TENM2: variants seen among roughly 807,000 people sequenced by gnomAD.
TENM2 encodes the protein teneurin-2.
TENM2 carries 52 observed loss-of-function variants against 245.2 expected under a neutral mutation model. That is an observed-to-expected ratio of 0.21 (90% CI 0.17 to 0.27). The LOEUF (loss-of-function observed/expected upper bound fraction) is 0.27, where lower values mean the gene tolerates loss of function less well. Ranked by LOEUF, TENM2 falls within the 10% of genes least tolerant of loss-of-function variation. The pLI is 1.00. For missense variants in TENM2, 3,046 were observed against 3,666.8 expected (o/e 0.83, Z 4.37); for synonymous variants, 1,363 against 1,438.9 (o/e 0.95, Z 1.19).
the TENM2 span, among the ~76,000 whole-genome samples, chr5:167,097,246 A>C: frequency 6.6e-6 from 1 of 152,240 alleles, no homozygotes; most frequent in South Asian, 2.1e-4. Context: ...GTGCGGGTTG[A>C]TGTGTTAAAA....
At chr5:167,624,697 G>T (rs1170019328) in intron 2 of TENM2, among the ~76,000 whole-genome samples, 1 of 152,182 alleles carries the variant, frequency 6.6e-6, no homozygotes, top group East Asian at 1.9e-4. Context: ...TAAAAGCTGT[G>T]TTCTGAGCTC....
At chr5:167,454,521 G>A (rs1765793139) in intron 2 of TENM2, among the ~76,000 whole-genome samples, 2 of 151,628 alleles carry the variant, frequency 1.3e-5, no homozygotes, top group African/African-American at 4.9e-5. Flanking sequence ...ATCTCTGTGT[G>A]TGTGCATGCA....
chr5:167,282,000 CAAAAA>C (rs150534598), upstream of TENM2, among the ~76,000 whole-genome samples: 145 of 107,404 alleles, frequency 1.4e-3, 2 homozygotes, highest in African/African-American at 4.8e-3. Flanking sequence ...AACTCCATCT[CAAAAA>C]AAAAAAAAAA....
At chr5:167,815,434 C>G (rs1766970190) in intron 2 of TENM2, among the ~76,000 whole-genome samples, 1 of 152,130 alleles carries the variant, frequency 6.6e-6, no homozygotes, top group Non-Finnish European at 1.5e-5. Context: ...CCATTATTCT[C>G]ATCATTGTAT....
the TENM2 span, among the ~76,000 whole-genome samples, chr5:167,017,592 T>C: frequency 6.6e-6 from 1 of 152,200 alleles, no homozygotes; most frequent in Non-Finnish European, 1.5e-5. Flanking sequence ...ATAACTACAC[T>C]TCTGAGTTTA....
At chr5:167,995,054 CG>C (rs1316790062) in intron 5 of TENM2, among the ~76,000 whole-genome samples, 1 of 151,978 alleles carries the variant, frequency 6.6e-6, no homozygotes, top group Non-Finnish European at 1.5e-5. Flanking sequence ...TAATGTTCTG[CG>C]GGGCCAGTGA....
At chr5:167,016,203 G>A in the TENM2 span, among the ~76,000 whole-genome samples, 3 of 148,724 alleles carry the variant, frequency 2.0e-5, no homozygotes, top group East Asian at 4.0e-4. Flanking sequence ...GCAGTGAGCC[G>A]AGATGGGGCC....
At chr5:167,900,119 A>AAAAAAAAAAAAAAAAAG (rs1775570535) in intron 3 of TENM2, among the ~76,000 whole-genome samples, 1 of 122,596 alleles carries the variant, frequency 8.2e-6, no homozygotes, top group African/African-American at 3.4e-5. Flanking sequence ...ACTAAAAAAA[A>AAAAAAAAAAAAAAAAAG]AAAAAAAAAA....
At chr5:166,996,364 A>C in the TENM2 span, among the ~76,000 whole-genome samples, 3 of 152,300 alleles carry the variant, frequency 2.0e-5, no homozygotes, top group South Asian at 2.1e-4. Context: ...AAAACCAAAC[A>C]AAACAACAAA....
In TENM2 at chr5:168,218,090, G is replaced by A. The variant is rs1763358338; in HGVS notation, c.4234-35G>A. The A allele has an allele frequency of 6.3e-7, 1 of 1,593,160 alleles. No individual in the cohort carries two copies. Among genetic ancestry groups the A allele is most frequent in the Non-Finnish European group, 8.6e-7 (1 of 1,166,676 alleles). On this transcript the variant is annotated intron_variant, in intron 22 of 28. Coordinates refer to ENST00000518659, the Ensembl canonical transcript of TENM2. This position sits in a 1 kb window ranked among gnomAD's most constrained non-coding sequence, Gnocchi z 5.2. The stretch of plus-strand genomic sequence containing the variant: ...ACGGTTAAACGTTGGACATATTAAA[G>A]GCTGTTCTTTAATCTGATACCACGT...
Position 168,163,790 on chromosome 5 carries a change from G to A in TENM2, c.2569+1033G>A, listed in dbSNP as rs148960912. Among the ~76,000 whole-genome samples the A allele has an allele frequency of 2.4e-3, 369 of 152,314 alleles. 3 individuals carry two copies. The highest frequency in any genetic ancestry group is 8.4e-3 in the African/African-American group (348 of 41,560). On this transcript the variant is annotated intron_variant, in intron 13 of 28. Transcript: ENST00000518659. ...AAGCTATGTGTCTACATGTAAGTGT[G>A]CATTCATCTGAAGACACAAATGATT... is the stretch of plus-strand genomic sequence containing the variant.
intron 2 of TENM2, among the ~76,000 whole-genome samples, chr5:167,578,708 A>G (rs1774879312): frequency 6.6e-6 from 1 of 152,174 alleles, no homozygotes; most frequent in African/African-American, 2.4e-5. Context: ...TATTTATTAG[A>G]ATTAATTGCC....
At chr5:167,526,701 T>G (rs571316417) in intron 2 of TENM2, among the ~76,000 whole-genome samples, 1 of 152,158 alleles carries the variant, frequency 6.6e-6, no homozygotes, top group African/African-American at 2.4e-5. Flanking sequence ...GGAAGTTAGA[T>G]TTCCTTCTTT....
chr5:167,529,088 C>A (rs1771314388), intron 2 of TENM2, among the ~76,000 whole-genome samples: 1 of 152,134 alleles, frequency 6.6e-6, no homozygotes, highest in Non-Finnish European at 1.5e-5. Flanking sequence ...CTTGGCTTGG[C>A]TTCTCTCCTT....
chr5:167,837,634 A>G (rs930830275), intron 2 of TENM2, among the ~76,000 whole-genome samples: 6 of 152,218 alleles, frequency 3.9e-5, no homozygotes, highest in African/African-American at 1.4e-4. Flanking sequence ...TCCACTTTCT[A>G]TTAAGATATC....
intron 2 of TENM2, among the ~76,000 whole-genome samples, chr5:167,667,963 A>C (rs894110610): frequency 6.6e-6 from 1 of 152,226 alleles, no homozygotes; most frequent in African/African-American, 2.4e-5. Flanking sequence ...AGAACTCTTC[A>C]TTTTGAAGTT....
chr5:167,864,780 C>T (rs1196016518), intron 2 of TENM2, among the ~76,000 whole-genome samples: 2 of 152,166 alleles, frequency 1.3e-5, no homozygotes, highest in East Asian at 3.8e-4. Flanking sequence ...GTACAACCTA[C>T]TCCCAAAGGG....
At chr5:167,052,340 C>T in the TENM2 span, among the ~76,000 whole-genome samples, 8 of 151,984 alleles carry the variant, frequency 5.3e-5, no homozygotes, top group Non-Finnish European at 1.0e-4. Context: ...GGTTGAAATG[C>T]CAACATCATA....
the TENM2 span, among the ~76,000 whole-genome samples, chr5:166,983,810 C>T: frequency 4.6e-5 from 7 of 152,150 alleles, no homozygotes; most frequent in East Asian, 9.7e-4. Flanking sequence ...CTTTGAGAGA[C>T]GCTTGAGTCA....
Sources: allele counts gnomAD v4.1 joint callset (sites outside exome capture counted in the v4.1 genomes callset), GRCh38; gene constraint gnomAD v4.1.1; non-coding constraint Gnocchi (gnomAD v3.1); transcripts MANE v1.5; gene names NCBI Gene and HGNC (gene_info 2026-07-23, HGNC 2026-07-21).